DTNA: variants seen among roughly 807,000 people sequenced by gnomAD.
The protein encoded by DTNA is dystrophin-related protein 3.
Under a neutral mutation model 100.7 loss-of-function variants are expected in DTNA, and 43 were observed. The ratio of observed to expected loss-of-function variants is 0.43; its 90% CI spans 0.33 to 0.55. The LOEUF is 0.55. Among genes scored for constraint, DTNA ranks in the 20% least tolerant of loss-of-function variants. The pLI is 0.04. For synonymous variants in DTNA, 349 were observed against 347.9 expected, an observed-to-expected ratio of 1.00 and a Z score of -0.04; for missense variants, 798 against 953.9, an observed-to-expected ratio of 0.84 and a Z score of 2.15.
chr18:34,573,830 C>T (rs2047839677), intron 1 of DTNA, among the ~76,000 whole-genome samples: 1 of 152,204 alleles, frequency 6.6e-6, no homozygotes, highest in African/African-American at 2.4e-5. Context: ...AATTGCGTAT[C>T]CTTTGACCAA....
intron 1 of DTNA, among the ~76,000 whole-genome samples, chr18:34,554,318 A>G (rs2045787681): frequency 1.4e-5 from 2 of 142,832 alleles, no homozygotes; most frequent in African/African-American, 5.5e-5. Flanking sequence ...TGTCATCTGC[A>G]AACAGGGACA....
intron 1 of DTNA, among the ~76,000 whole-genome samples, chr18:34,732,670 C>T (rs1468848087): frequency 6.6e-6 from 1 of 152,148 alleles, no homozygotes; most frequent in Non-Finnish European, 1.5e-5. Flanking sequence ...TCTATAATCC[C>T]AAGCAAAGAA....
At chr18:34,863,491 G>A (rs1374827559) in intron 16 of DTNA, among the ~76,000 whole-genome samples, 3 of 150,588 alleles carry the variant, frequency 2.0e-5, no homozygotes, top group Non-Finnish European at 2.9e-5. Context: ...ACCTCAATGG[G>A]TGCTGAAGAT....
intron 1 of DTNA, among the ~76,000 whole-genome samples, chr18:34,652,086 G>A (rs543380066): frequency 7.1e-6 from 1 of 140,276 alleles, no homozygotes; most frequent in African/African-American, 2.9e-5. Context: ...AAAGAAAAAA[G>A]GAAGGAAGGA....
At chr18:34,760,286 CT>C (rs1301454656) in intron 2 of DTNA, among the ~76,000 whole-genome samples, 1 of 152,082 alleles carries the variant, frequency 6.6e-6, no homozygotes, top group Admixed American at 6.6e-5. Flanking sequence ...TAGTCTCCTG[CT>C]TTTTCTGTCC....
intron 16 of DTNA, among the ~76,000 whole-genome samples, chr18:34,861,238 CACTT>C (rs1260266306): frequency 3.3e-5 from 5 of 152,036 alleles, no homozygotes; most frequent in African/African-American, 1.2e-4. Flanking sequence ...GTCATCTCAG[CACTT>C]TAGGAGTGCG....
At chr18:34,590,265 G>A (rs12326284) in intron 1 of DTNA, among the ~76,000 whole-genome samples, 15,672 of 151,998 alleles carry the variant, frequency 0.1, 1,173 homozygotes, top group African/African-American at 0.21. Flanking sequence ...TTTTTCTTGG[G>A]CAGTATCTAT....
intron 1 of DTNA, among the ~76,000 whole-genome samples, chr18:34,592,371 A>T (rs1031584015): frequency 6.6e-6 from 1 of 151,852 alleles, no homozygotes; most frequent in Non-Finnish European, 1.5e-5. Flanking sequence ...AAGGGACCCC[A>T]TGTTGTTAAT....
At chr18:34,860,220 G>GC (rs2096603109) in intron 16 of DTNA, among the ~76,000 whole-genome samples, 4 of 80,256 alleles carry the variant, frequency 5.0e-5, no homozygotes, top group African/African-American at 1.9e-4. Flanking sequence ...CTAATTTTTT[G>GC]TTTTTTTTTT....
chr18:34,880,453 G>C (rs1216590177), intron 20 of DTNA, among the ~76,000 whole-genome samples: 1 of 152,158 alleles, frequency 6.6e-6, no homozygotes, highest in African/African-American at 2.4e-5. Context: ...AATGAAGAAA[G>C]TGGCCCATTA....
chr18:34,515,224 A>T (rs901376255), intron 1 of DTNA, among the ~76,000 whole-genome samples: 2 of 152,038 alleles, frequency 1.3e-5, no homozygotes, highest in African/African-American at 4.8e-5. Context: ...TTGGCTTGTT[A>T]GATGGCAAAC....
intron 17 of DTNA, 112 bp downstream of exon 17, chr18:34,864,174 A>T (rs2096664452): frequency 1.1e-6 from 1 of 927,584 alleles, no homozygotes; most frequent in South Asian, 1.5e-5. Flanking sequence ...TTCCCTCAAC[A>T]TGTTGTTTCA....
At chr18:34,768,808 G>A (rs1422480201) in intron 3 of DTNA, among the ~76,000 whole-genome samples, 1 of 152,188 alleles carries the variant, frequency 6.6e-6, no homozygotes, top group Non-Finnish European at 1.5e-5. Context: ...TGAATGACAT[G>A]CAATACCTTC....
At chr18:34,525,798 A>C (rs576564641) in intron 1 of DTNA, among the ~76,000 whole-genome samples, 10 of 152,192 alleles carry the variant, frequency 6.6e-5, no homozygotes, top group Non-Finnish European at 1.5e-4. Context: ...AACAAAACAG[A>C]AATTGATTGT....
At chr18:34,700,947 C>T (rs1387479005) in intron 1 of DTNA, among the ~76,000 whole-genome samples, 1 of 152,122 alleles carries the variant, frequency 6.6e-6, no homozygotes, top group Admixed American at 6.6e-5. Flanking sequence ...TCCCTAGTGT[C>T]GCAGGAAAGG....
chr18:34,647,868 C>A (rs2060026383), intron 1 of DTNA, among the ~76,000 whole-genome samples: 1 of 152,104 alleles, frequency 6.6e-6, no homozygotes, highest in African/African-American at 2.4e-5. Flanking sequence ...AGGTGCTCAG[C>A]AATAGTTGTT....
intron 13 of DTNA, among the ~76,000 whole-genome samples, chr18:34,847,352 TA>T (rs2096398359): frequency 6.6e-6 from 1 of 152,162 alleles, no homozygotes; most frequent in South Asian, 2.1e-4. Flanking sequence ...AAAGTAAATA[TA>T]AAAGGCAGGT....
At chr18:34,666,656 T>C (rs202221190) in intron 1 of DTNA, among the ~76,000 whole-genome samples, 3 of 152,108 alleles carry the variant, frequency 2.0e-5, no homozygotes, top group African/African-American at 7.2e-5. Flanking sequence ...CCAGTTTTCC[T>C]AGCACCATTT....
At chr18:34,829,927 C>T (rs2095962164) in intron 11 of DTNA, among the ~76,000 whole-genome samples, 1 of 152,162 alleles carries the variant, frequency 6.6e-6, no homozygotes, top group Admixed American at 6.5e-5. Context: ...GGACTTGTAC[C>T]TTTCTGTCCT....
Sources: gnomAD v4.1 joint callset for allele counts (sites outside exome capture counted in the v4.1 genomes callset) on GRCh38, gnomAD v4.1.1 for gene constraint, MANE v1.5 for transcripts, NCBI Gene and HGNC (gene_info 2026-07-23, HGNC 2026-07-21) for gene names.